DCP1B: variants seen among roughly 807,000 people sequenced by gnomAD.
DCP1B encodes the protein decapping mRNA 1B.
In DCP1B, 47 loss-of-function variants were observed where a neutral mutation model predicts 60.5. The ratio of observed to expected loss-of-function variants is 0.78; its 90% CI spans 0.61 to 0.99. DCP1B has a LOEUF of 0.99. DCP1B is among the 50% of genes least tolerant of loss of function. The pLI is 0.00. For missense variants in DCP1B, 725 were observed against 756.8 expected, an observed-to-expected ratio of 0.96 and a Z score of 0.49; for synonymous variants, 267 against 280.3, an observed-to-expected ratio of 0.95 and a Z score of 0.47.
At chr12:1,952,294 C>T (rs770831230) in intron 7 of DCP1B, 122 bp downstream of exon 7, 46 of 1,229,662 alleles carry the variant, frequency 3.7e-5, no homozygotes, top group Non-Finnish European at 4.9e-5. Context: ...CCACCTCAGC[C>T]TCCTCAGTAG....
intron 5 of DCP1B, among the ~76,000 whole-genome samples, chr12:1,957,437 G>T (rs2030923597): frequency 6.6e-6 from 1 of 152,106 alleles, no homozygotes; most frequent in African/African-American, 2.4e-5. Context: ...CAGTTTATAG[G>T]ATTATTGGTG....
intron 3 of DCP1B, among the ~76,000 whole-genome samples, chr12:1,988,219 G>T (rs1241792175): frequency 6.6e-6 from 1 of 152,136 alleles, no homozygotes; most frequent in African/African-American, 2.4e-5. Flanking sequence ...GTCCATCATG[G>T]GTCATTGTTA....
intron 3 of DCP1B, among the ~76,000 whole-genome samples, chr12:1,975,668 T>G (rs1460410368): frequency 4.6e-5 from 7 of 152,178 alleles, no homozygotes; most frequent in Admixed American, 3.3e-4. Flanking sequence ...TCAATCTGAA[T>G]AGCATTACTA....
rs2030741804 is a variant in DCP1B, at chr12:1,953,022, T to C, written c.918A>G (p.Pro306=). 1.2e-6 allele frequency: 2 copies of C among 1,614,186 alleles called. No homozygotes were observed. Among genetic ancestry groups the C allele is most frequent in the African/African-American group, 1.3e-5 (1 of 75,032 alleles). Residue 306 remains proline (P), a synonymous_variant, in exon 7 of 9, where the codon CCA becomes CCG. Coordinates refer to ENST00000280665, the MANE Select transcript of DCP1B (RefSeq NM_152640.5). ...GCCGGTTTTCAGGCAGCTCTGACAA[T>C]GGGTGGAGGTCTGCGCTCCTGACCA... is the stretch of plus-strand genomic sequence containing the variant. ...KLMVRSADLH[P]LSELPENRPC... is the part of the protein sequence containing the mutation.
rs974335765 is a variant in DCP1B at position 1,971,339 on chromosome 12, C to T, written c.320-3429G>A. 3.7e-5 allele frequency: 16 copies of T among 431,168 alleles called. No homozygotes were observed. In the Admixed American group the frequency reaches 4.4e-4, roughly 12 times the overall value. The allele number at this position is 431,168 out of a possible 1,614,324, so 26.7% of individuals were successfully genotyped here. ...TATTTAATCAGGATTTACCACACACCGTTGTAAAATTTTGCCTGTAACTGC... is the reference window on the plus strand; with the variant it reads ...TATTTAATCAGGATTTACCACACACTGTTGTAAAATTTTGCCTGTAACTGC... On this transcript the variant is annotated intron_variant, in intron 3 of 8. Transcript: ENST00000280665. This position sits in a 1 kb window ranked among gnomAD's most constrained non-coding sequence, Gnocchi z 4.2.
At chr12:1,997,844 TA>T in intron 2 of DCP1B, 90 bp downstream of exon 2, 1 of 1,061,376 alleles carries the variant, frequency 9.4e-7, no homozygotes, top group Non-Finnish European at 1.4e-6. Flanking sequence ...CTTTTTGAAA[TA>T]AAACTGCATG....
Position 2,000,286 on chromosome 12 carries a change from A to G in DCP1B, c.151-2311T>C, listed in dbSNP as rs146532985. 1.9e-4 allele frequency among the ~76,000 whole-genome samples: 29 copies of G among 152,346 alleles called. No homozygotes were observed. The East Asian group carries it at 5.4e-3, about 28-fold the overall frequency. ...AGAACTAGGACTTTGCAGAACCTCTATGTAGTCAGGATCACTCCCCACAAG... is the reference window on the plus strand; with the variant it reads ...AGAACTAGGACTTTGCAGAACCTCTGTGTAGTCAGGATCACTCCCCACAAG... On this transcript the variant is annotated intron_variant, in intron 1 of 8. Coordinates refer to ENST00000280665, the MANE Select transcript of DCP1B (RefSeq NM_152640.5).
intron 3 of DCP1B, among the ~76,000 whole-genome samples, chr12:1,975,171 G>A (rs2033930300): frequency 6.6e-6 from 1 of 152,012 alleles, no homozygotes; most frequent in African/African-American, 2.4e-5. Flanking sequence ...TATAGACATA[G>A]GAGATACTAC....
chr12:1,982,535 CTATATA>C (rs1174718545), intron 3 of DCP1B, among the ~76,000 whole-genome samples: 2 of 63,044 alleles, frequency 3.2e-5, no homozygotes, highest in Non-Finnish European at 6.2e-5. Context: ...TCACGTTGTA[CTATATA>C]TATAATTTTA....
At position 1,955,879 on chromosome 12, in the gene DCP1B, A is replaced by G. The variant is rs533650091; in HGVS notation, c.523-319T>C. Among the ~76,000 whole-genome samples, 4 of 152,336 alleles carry G rather than the reference A, an allele frequency of 2.6e-5. No homozygotes were observed. In the East Asian group the frequency reaches 5.8e-4, roughly 22 times the overall value. The stretch of plus-strand genomic sequence containing the variant: ...ATATTGACTATACGTTTAAATATAT[A>G]TAGTCTAATGTCTTTCAATGATAAA... On this transcript the variant is annotated intron_variant, in intron 5 of 8. Transcript: ENST00000280665.
At chr12:1,951,754 G>A (rs1198309963) in intron 7 of DCP1B, among the ~76,000 whole-genome samples, 1 of 152,210 alleles carries the variant, frequency 6.6e-6, no homozygotes, top group Non-Finnish European at 1.5e-5. Flanking sequence ...GTACCCACAT[G>A]TAGACAATGC....
intron 3 of DCP1B, among the ~76,000 whole-genome samples, chr12:1,979,534 A>T (rs1304758633): frequency 6.6e-6 from 1 of 150,900 alleles, no homozygotes; most frequent in Non-Finnish European, 1.5e-5. Context: ...CTCGTCTCGA[A>T]CTCCTGACCT....
chr12:1,971,860 C>A lies in DCP1B; in HGVS notation c.320-3950G>T, dbSNP rs1470300445. ...TTTATAATTTGTTTTATATTTTTAC[C>A]CAAATACCATACAACTCCAAATCAT... is the stretch of plus-strand genomic sequence containing the variant. On this transcript the variant is annotated intron_variant, in intron 3 of 8. Coordinates refer to ENST00000280665, the MANE Select transcript of DCP1B (RefSeq NM_152640.5). This position sits in a 1 kb window ranked among gnomAD's most constrained non-coding sequence, Gnocchi z 4.2. Among the ~76,000 whole-genome samples the A allele has an allele frequency of 6.6e-6, 1 of 151,750 alleles. No homozygotes were observed. The highest frequency in any genetic ancestry group is 1.5e-5 in the Non-Finnish European group (1 of 67,956).
chr12:1,993,649 T>C (rs2040069182), intron 2 of DCP1B, among the ~76,000 whole-genome samples: 1 of 149,376 alleles, frequency 6.7e-6, no homozygotes, highest in Non-Finnish European at 1.5e-5. Context: ...TGTGTGTGTG[T>C]GTGTGTGTAT....
At chr12:1,968,057 G>T (rs2031418532) in intron 3 of DCP1B, 147 bp from the exon 4 acceptor site, 2 of 706,254 alleles carry the variant, frequency 2.8e-6, no homozygotes, top group Non-Finnish European at 2.3e-6. Flanking sequence ...CAATCATTGG[G>T]GTTAAAGCTT....
chr12:2,001,970 G>C lies in DCP1B; in HGVS notation c.150+2312C>G, dbSNP rs528946696. On this transcript the variant is annotated intron_variant, in intron 1 of 8. Coordinates refer to ENST00000280665, the MANE Select transcript of DCP1B (RefSeq NM_152640.5). ...GACAGCTGGAAAATACCAGGGTTAT[G>C]GTCTTCAATTGACACATAGGTATTA... Among the ~76,000 whole-genome samples, 3 of 152,334 alleles carry C rather than the reference G, an allele frequency of 2.0e-5. No individual in the cohort carries two copies. In the East Asian group the frequency reaches 5.8e-4, roughly 29 times the overall value.
Position 1,949,042 on chromosome 12 carries a change from A to G in DCP1B, c.1773+44T>C, listed in dbSNP as rs556459984. ...ATCTCATAGTTGCAGCCAGGAGGCC[A>G]ACAGGCGTGGTCAGGTGCGAAGGGA... On this transcript the variant is annotated intron_variant, in intron 8 of 8. Transcript: ENST00000280665. 8.2e-6 allele frequency: 13 copies of G among 1,590,962 alleles called. No homozygotes were observed. The South Asian group carries it at 1.5e-4, about 18-fold the overall frequency.
intron 3 of DCP1B, chr12:1,992,432 G>C (rs536579751): frequency 2.0e-5 from 3 of 153,216 alleles, no homozygotes; most frequent in African/African-American, 7.2e-5. Flanking sequence ...CAAAGAGTAG[G>C]ATGAAAAATA....
chr12:1,952,752 T>G lies in DCP1B; in HGVS notation c.1188A>C (p.Pro396=), dbSNP rs777537663. The change falls in exon 7 of 9, where the codon CCA becomes CCC. Residue 396 remains proline (P), a synonymous_variant. Transcript: ENST00000280665. The part of the protein sequence containing the change: ...RAPTSVTPVA[P]GKGLAQPPQA... ...GTGGTGGCTGAGCCAGACCCTTTCC[T>G]GGAGCCACAGGGGTGACAGAAGTGG... is the stretch of plus-strand genomic sequence containing the variant. 4.3e-6 allele frequency: 7 copies of G among 1,614,202 alleles called. No homozygotes were observed. Among genetic ancestry groups the G allele is most frequent in the Non-Finnish European group, 5.9e-6 (7 of 1,180,024 alleles).
Sources: gnomAD v4.1 joint callset for allele counts (sites outside exome capture counted in the v4.1 genomes callset) on GRCh38, gnomAD v4.1.1 for gene constraint, Gnocchi (gnomAD v3.1) non-coding constraint, MANE v1.5 for transcripts, NCBI Gene and HGNC (gene_info 2026-07-23, HGNC 2026-07-21) for gene names.